MDFIC2: variants seen among roughly 807,000 people sequenced by gnomAD.
MDFIC2 encodes the protein MyoD family inhibitor domain containing 2.
At chr3:70,238,981 A>G (rs1446647786) in intron 2 of MDFIC2, among the ~76,000 whole-genome samples, 2 of 152,208 alleles carry the variant, frequency 1.3e-5, no homozygotes, top group Admixed American at 6.5e-5. Flanking sequence ...AACTCCTAAA[A>G]TATTCACAGA....
intron 2 of MDFIC2, among the ~76,000 whole-genome samples, chr3:70,263,633 T>C (rs1996818): frequency 0.43 from 65,834 of 151,998 alleles, 15,106 homozygotes; most frequent in Non-Finnish European, 0.51. Flanking sequence ...TAGATGGTAT[T>C]CAGCAAAAGA....
At chr3:70,271,068 G>A (rs7650362) in intron 2 of MDFIC2, among the ~76,000 whole-genome samples, 3,041 of 152,072 alleles carry the variant, frequency 0.02, 116 homozygotes, top group African/African-American at 0.07. Context: ...AAAAAAAACA[G>A]TAAATTAAAT....
intron 2 of MDFIC2, among the ~76,000 whole-genome samples, chr3:70,252,994 C>G (rs75392473): frequency 0.063 from 9,656 of 152,066 alleles, 375 homozygotes; most frequent in South Asian, 0.12. Context: ...GCAAGAGAAT[C>G]GCTTGAACCC....
At chr3:70,225,265 C>A (rs908904810) in intron 2 of MDFIC2, among the ~76,000 whole-genome samples, 1 of 152,076 alleles carries the variant, frequency 6.6e-6, no homozygotes, top group African/African-American at 2.4e-5. Flanking sequence ...AACTTTTCCC[C>A]AGATTTTCTT....
chr3:70,217,859 T>C (rs1286411503), intron 2 of MDFIC2, among the ~76,000 whole-genome samples: 1 of 152,154 alleles, frequency 6.6e-6, no homozygotes, highest in Non-Finnish European at 1.5e-5. Context: ...TTGGATGGAC[T>C]TAAGAGGCTC....
At chr3:70,271,100 G>T (rs763280834) in intron 2 of MDFIC2, among the ~76,000 whole-genome samples, 62 of 152,116 alleles carry the variant, frequency 4.1e-4, no homozygotes, top group Non-Finnish European at 6.6e-4. Context: ...TATCGAAGCT[G>T]GGAAGTTGTA....
intron 2 of MDFIC2, among the ~76,000 whole-genome samples, chr3:70,289,315 A>G (rs928899477): frequency 1.3e-5 from 2 of 151,556 alleles, no homozygotes; most frequent in Admixed American, 1.3e-4. Context: ...TCCTTTGCTT[A>G]TGAAGCTTAG....
chr3:70,273,557 A>G (rs76815543), intron 2 of MDFIC2, among the ~76,000 whole-genome samples: 2,360 of 152,242 alleles, frequency 0.016, 48 homozygotes, highest in African/African-American at 0.054. Flanking sequence ...CTAGTGAAAC[A>G]CTTGAGCTAT....
At chr3:70,260,075 TG>T (rs938163980) in intron 2 of MDFIC2, among the ~76,000 whole-genome samples, 4 of 152,154 alleles carry the variant, frequency 2.6e-5, no homozygotes, top group Admixed American at 6.5e-5. Context: ...GAGATTTGGG[TG>T]GGGACACAAA....
chr3:70,310,331 A>T (rs1300471697), intron 2 of MDFIC2, among the ~76,000 whole-genome samples: 1 of 151,766 alleles, frequency 6.6e-6, no homozygotes, highest in East Asian at 1.9e-4. Context: ...TTTTCTTTTT[A>T]AAATAAGTAT....
At chr3:70,242,595 G>C (rs1701674235) in intron 2 of MDFIC2, among the ~76,000 whole-genome samples, 1 of 152,168 alleles carries the variant, frequency 6.6e-6, no homozygotes, top group South Asian at 2.1e-4. Flanking sequence ...AATTCATTGT[G>C]CCCATTATAT....
At chr3:70,269,657 T>G (rs913079919) in intron 2 of MDFIC2, among the ~76,000 whole-genome samples, 2 of 152,252 alleles carry the variant, frequency 1.3e-5, no homozygotes, top group African/African-American at 4.8e-5. Flanking sequence ...CTAAGGTTTT[T>G]GTTTTAACAG....
At chr3:70,271,379 A>G (rs754139867) in intron 2 of MDFIC2, among the ~76,000 whole-genome samples, 1 of 152,200 alleles carries the variant, frequency 6.6e-6, no homozygotes, top group Non-Finnish European at 1.5e-5. Flanking sequence ...TCACTGGTGG[A>G]ACTCCAATGG....
chr3:70,244,627 G>A (rs1286943265), intron 2 of MDFIC2, among the ~76,000 whole-genome samples: 1 of 152,206 alleles, frequency 6.6e-6, no homozygotes, highest in Non-Finnish European at 1.5e-5. Flanking sequence ...ACAGCCAGCT[G>A]TAAGTCTCTT....
At chr3:70,199,403 T>A (rs993573178) in intron 3 of MDFIC2, among the ~76,000 whole-genome samples, 4 of 152,180 alleles carry the variant, frequency 2.6e-5, no homozygotes, top group Non-Finnish European at 5.9e-5. Context: ...TTTGGCTTAA[T>A]CCTTTGGCCA....
intron 2 of MDFIC2, among the ~76,000 whole-genome samples, chr3:70,224,717 G>T (rs1286819196): frequency 2.7e-5 from 4 of 148,782 alleles, no homozygotes; most frequent in South Asian, 2.2e-4. Flanking sequence ...TTCACCCTTG[G>T]TTTTTTTTTT....
rs1701166841 is a variant in MDFIC2 at position 70,195,444 on chromosome 3, T to A, written c.*1482A>T. On this transcript the variant is annotated 3_prime_UTR_variant, in exon 4 of 4. Transcript: ENST00000567252. ...GTTAAATGCCTTTTTAGAGGCAGTT[T>A]ACAAATATTTTTAACAGATGAATAG... Among the ~76,000 whole-genome samples, 1 of 152,194 alleles carries A rather than the reference T, an allele frequency of 6.6e-6. No individual in the cohort carries two copies. The highest frequency in any genetic ancestry group is 1.5e-5 in the Non-Finnish European group (1 of 68,034).
chr3:70,294,673 C>T (rs920470340), intron 2 of MDFIC2, among the ~76,000 whole-genome samples: 1 of 152,028 alleles, frequency 6.6e-6, no homozygotes, highest in African/African-American at 2.4e-5. Flanking sequence ...TAATTTATGA[C>T]TCATATATCC....
intron 1 of MDFIC2, 63 bp from the exon 2 acceptor site, chr3:70,312,036 G>A (rs1275330788): frequency 2.5e-6 from 1 of 396,168 alleles, no homozygotes; most frequent in East Asian, 3.6e-5. Flanking sequence ...ATAACATCGA[G>A]TTTTATATTT....
Sources: allele counts gnomAD v4.1 joint callset (sites outside exome capture counted in the v4.1 genomes callset), GRCh38; gene constraint gnomAD v4.1.1; transcripts MANE v1.5; gene names NCBI Gene and HGNC (gene_info 2026-07-23, HGNC 2026-07-21).